Variants in ZNF746 observed in about 807,000 individuals in gnomAD.
ZNF746 encodes the protein zinc finger protein 746, also known as parkin-interacting substrate.
A neutral mutation model predicts 41.0 loss-of-function variants in ZNF746; 13 were observed. The ratio of observed to expected loss-of-function variants is 0.32; its 90% CI spans 0.21 to 0.50. The LOEUF (loss-of-function observed/expected upper bound fraction) is 0.50, where lower values mean the gene tolerates loss of function less well. Ranked by LOEUF, ZNF746 falls within the 20% of genes least tolerant of loss-of-function variation. The probability of loss-of-function intolerance (pLI) is 0.98; values close to 1 mark genes in which losing one functional copy is unlikely to be tolerated. For missense variants in ZNF746, 811 were observed against 922.9 expected (o/e 0.88, Z 1.57); for synonymous variants, 424 against 396.2 (o/e 1.07, Z -0.83).
At chr7:149,496,900 G>A (rs983322956) in intron 1 of ZNF746, 2 of 985,280 alleles carry the variant, frequency 2.0e-6, no homozygotes, top group African/African-American at 3.5e-5. Context: ...TTCCAGCTGG[G>A]TAAGCCTGGG....
At chr7:149,477,432 C>A in intron 5 of ZNF746, 132 bp downstream of exon 5, 1 of 1,103,736 alleles carries the variant, frequency 9.1e-7, no homozygotes, top group Non-Finnish European at 1.3e-6. Flanking sequence ...TACCTCGAGA[C>A]GGGAAAATTT....
intron 4 of ZNF746, chr7:149,492,093 T>C (rs2116488412): frequency 3.0e-6 from 2 of 677,836 alleles, no homozygotes; most frequent in East Asian, 2.7e-5. Context: ...GCTGACTCTT[T>C]GCAAAGCTTT....
rs1801060662 is a variant in ZNF746 at position 149,497,688 on chromosome 7, C to A, written c.-152G>T. 2 of 506,074 alleles carry A rather than the reference C, an allele frequency of 4.0e-6. No homozygotes were observed. Among genetic ancestry groups the A allele is most frequent in the Non-Finnish European group, 5.1e-6 (2 of 390,008 alleles). 31.3% of individuals were successfully genotyped at this position (506,074 alleles called of 1,614,324 possible). On this transcript the variant is annotated 5_prime_UTR_variant, in exon 1 of 7. Transcript: ENST00000458143. This position sits in a 1 kb window ranked among gnomAD's most constrained non-coding sequence, Gnocchi z 4.2. ...CTCCTCGCTGGCTGCCCCTGCGCCG[C>A]GCCGCCCGCAGTCGCGCCGCCTCCG...
chr7:149,483,548 A>G (rs879800963), intron 4 of ZNF746, among the ~76,000 whole-genome samples: 3 of 152,130 alleles, frequency 2.0e-5, no homozygotes, highest in African/African-American at 7.2e-5. Flanking sequence ...TGGAGATTGC[A>G]GTAAGCCAAG....
intron 4 of ZNF746, among the ~76,000 whole-genome samples, chr7:149,487,033 C>G (rs1800647791): frequency 6.6e-6 from 1 of 152,230 alleles, no homozygotes. Context: ...CTCCCTGTCG[C>G]TGGCATTACT....
intron 4 of ZNF746, 183 bp from the exon 5 acceptor site, chr7:149,477,938 T>A (rs1800367565): frequency 2.0e-6 from 1 of 502,448 alleles, no homozygotes; most frequent in African/African-American, 1.9e-5. Context: ...GGTCACATGG[T>A]ATTGGGAATG....
intron 4 of ZNF746, chr7:149,489,981 C>G (rs1388406308): frequency 6.6e-6 from 1 of 152,264 alleles, no homozygotes; most frequent in Non-Finnish European, 1.5e-5. Flanking sequence ...GGGGAACAGA[C>G]AAGCGGGCAG....
At chr7:149,482,232 G>A (rs1429318683) in intron 4 of ZNF746, among the ~76,000 whole-genome samples, 1 of 152,146 alleles carries the variant, frequency 6.6e-6, no homozygotes, top group Non-Finnish European at 1.5e-5. Flanking sequence ...AAGATTTTCA[G>A]ACTAAAACCA....
At chr7:149,477,072 G>A (rs566083066) in intron 5 of ZNF746, 25 bp from the exon 6 acceptor site, 17 of 1,603,774 alleles carry the variant, frequency 1.1e-5, no homozygotes, top group South Asian at 4.5e-5. Context: ...GAGCAGAGCC[G>A]GTGGGTTAGG....
chr7:149,495,291 G>A (rs917801950), intron 1 of ZNF746, among the ~76,000 whole-genome samples: 11 of 152,048 alleles, frequency 7.2e-5, no homozygotes, highest in African/African-American at 1.9e-4. Flanking sequence ...TAAAAATGAC[G>A]GCCTCCGACA....
rs760382197 is a variant in ZNF746, at chr7:149,474,588, G to A, written c.1779C>T (p.Arg593=). 3.1e-6 allele frequency: 5 copies of A among 1,612,414 alleles called. No homozygotes were observed. In the Admixed American group the frequency reaches 6.7e-5, roughly 22 times the overall value. ...GCTGGTGCTTGCGGAGGTGGTCCTT[G>A]CGGATGAAGCTTTTGCCGCAGACGG... ...TCTVCGKSFI[R]KDHLRKHQRN... The change falls in exon 7 of 7, where the codon CGC becomes CGT. Residue 593 remains arginine (R), a synonymous_variant. Coordinates refer to ENST00000458143, the MANE Select transcript of ZNF746 (RefSeq NM_001394198.1). The surrounding 1 kb of genome is among the most constrained non-coding windows in gnomAD (Gnocchi z 6.3).
rs1801042656 is a variant in ZNF746 at position 149,497,367 on chromosome 7, C to A, written c.24+146G>T. ...ACGGGCGCAGTAGGCCCCGGCGGAC[C>A]CCGCGCCCCATTCGCGGGAGCCCCA... is the stretch of plus-strand genomic sequence containing the variant. On this transcript the variant is annotated intron_variant, in intron 1 of 6. Coordinates refer to ENST00000458143, the MANE Select transcript of ZNF746 (RefSeq NM_001394198.1). The surrounding 1 kb of genome is among the most constrained non-coding windows in gnomAD (Gnocchi z 4.2). The A allele has an allele frequency of 3.0e-6, 3 of 992,210 alleles. No homozygotes were observed. Among genetic ancestry groups the A allele is most frequent in the South Asian group, 9.4e-5 (2 of 21,248 alleles). The allele number at this position is 992,210 out of a possible 1,614,324, so 61.5% of individuals were successfully genotyped here. A position where few individuals can be genotyped will look rare whatever the true frequency, so the allele number is the denominator to read the frequency against.
chr7:149,492,029 A>G (rs1377786704), intron 4 of ZNF746: 3 of 701,852 alleles, frequency 4.3e-6, no homozygotes, highest in Admixed American at 2.0e-5. Flanking sequence ...ATGTAGACCA[A>G]AGTAGCTCTA....
chr7:149,489,652 G>C (rs961500029), intron 4 of ZNF746: 13 of 153,018 alleles, frequency 8.5e-5, no homozygotes, highest in African/African-American at 3.1e-4. Context: ...TCTGCAGCTG[G>C]GCAGAGTGAG....
intron 4 of ZNF746, chr7:149,491,787 T>C: frequency 1.5e-6 from 1 of 679,654 alleles, no homozygotes; most frequent in Non-Finnish European, 2.7e-6. Context: ...CAAGGGCGGG[T>C]CTTCTGGAGG....
chr7:149,484,158 CA>C (rs1214495617), intron 4 of ZNF746, among the ~76,000 whole-genome samples: 1 of 152,130 alleles, frequency 6.6e-6, no homozygotes, highest in Non-Finnish European at 1.5e-5. Context: ...TCCAACATTA[CA>C]AAAACTCTCT....
intron 4 of ZNF746, 90 bp downstream of exon 4, chr7:149,492,769 C>G (rs995948405): frequency 3.3e-6 from 3 of 919,030 alleles, no homozygotes; most frequent in African/African-American, 1.6e-5. Flanking sequence ...CTCCTCGACT[C>G]TCTCTGGAAA....
intron 1 of ZNF746, chr7:149,496,976 C>T: frequency 1.0e-6 from 1 of 985,304 alleles, no homozygotes; most frequent in Non-Finnish European, 1.2e-6. Flanking sequence ...AGTACCCATC[C>T]CACAGGCTTG....
At chr7:149,486,017 C>G (rs761499192) in intron 4 of ZNF746, among the ~76,000 whole-genome samples, 4 of 152,082 alleles carry the variant, frequency 2.6e-5, no homozygotes, top group African/African-American at 4.8e-5. Flanking sequence ...CTAGCCTGAG[C>G]AACAGAGCAA....
Sources: allele counts gnomAD v4.1 joint callset (sites outside exome capture counted in the v4.1 genomes callset), GRCh38; gene constraint gnomAD v4.1.1; non-coding constraint Gnocchi (gnomAD v3.1); transcripts MANE v1.5; gene names NCBI Gene and HGNC (gene_info 2026-07-23, HGNC 2026-07-21).